Variants in LINGO2 observed in about 807,000 individuals in gnomAD.
The protein encoded by LINGO2 is leucine rich repeat and Ig domain containing 2.
A neutral mutation model predicts 30.6 loss-of-function variants in LINGO2; 14 were observed. The observed-to-expected ratio is 0.46, with a 90% CI of 0.30 to 0.72. LINGO2 has a LOEUF of 0.72. Ranked by LOEUF, LINGO2 falls within the 30% of genes least tolerant of loss-of-function variation. LINGO2 has a pLI of 0.07. For missense variants in LINGO2, 729 were observed against 751.7 expected (o/e 0.97, Z 0.35); for synonymous variants, 317 against 288.5 (o/e 1.10, Z -1.00).
At chr9:28,092,928 T>C (rs1276052230) in intron 4 of LINGO2, among the ~76,000 whole-genome samples, 1 of 152,082 alleles carries the variant, frequency 6.6e-6, no homozygotes, top group Non-Finnish European at 1.5e-5. Context: ...CTATGCATCA[T>C]GGCTTTTAAT....
At chr9:28,317,095 ATG>A (rs1824872145) in intron 3 of LINGO2, among the ~76,000 whole-genome samples, 1 of 152,164 alleles carries the variant, frequency 6.6e-6, no homozygotes, top group African/African-American at 2.4e-5. Flanking sequence ...TACTGTATTA[ATG>A]TATTCCAATT....
intron 1 of LINGO2, among the ~76,000 whole-genome samples, chr9:28,612,128 C>T (rs558658677): frequency 2.0e-5 from 3 of 152,238 alleles, no homozygotes; most frequent in African/African-American, 7.2e-5. Flanking sequence ...ATGGGGCAAT[C>T]ATAGCTCACT....
intron 1 of LINGO2, among the ~76,000 whole-genome samples, chr9:28,589,939 C>G (rs1824785643): frequency 6.6e-6 from 1 of 152,158 alleles, no homozygotes; most frequent in Admixed American, 6.6e-5. Flanking sequence ...CAGCATGGAA[C>G]TGGAGACCAA....
At chr9:29,003,302 A>G in the LINGO2 span, among the ~76,000 whole-genome samples, 3 of 151,952 alleles carry the variant, frequency 2.0e-5, no homozygotes, top group African/African-American at 7.2e-5. Context: ...ACACAATATA[A>G]AAGTTTGATA....
the LINGO2 span, among the ~76,000 whole-genome samples, chr9:28,689,540 C>A: frequency 1.3e-5 from 2 of 151,822 alleles, no homozygotes; most frequent in Non-Finnish European, 2.9e-5. Context: ...TGGCTATTAT[C>A]AAAAAGTTAA....
intron 4 of LINGO2, among the ~76,000 whole-genome samples, chr9:28,193,334 A>T (rs909101121): frequency 1.3e-5 from 2 of 152,248 alleles, no homozygotes; most frequent in Admixed American, 1.3e-4. Context: ...AAATTCACAT[A>T]TATCTTGCTG....
At chr9:28,812,785 C>A in the LINGO2 span, among the ~76,000 whole-genome samples, 2 of 152,076 alleles carry the variant, frequency 1.3e-5, no homozygotes, top group African/African-American at 4.8e-5. Context: ...GTCTTAATAG[C>A]TGAGATCCCA....
At chr9:28,460,953 T>C (rs570525178) in intron 2 of LINGO2, among the ~76,000 whole-genome samples, 1 of 152,154 alleles carries the variant, frequency 6.6e-6, no homozygotes, top group Non-Finnish European at 1.5e-5. Flanking sequence ...AACTTTTTTT[T>C]AAAACCCTAC....
intron 4 of LINGO2, among the ~76,000 whole-genome samples, chr9:28,207,571 A>C (rs1360669347): frequency 6.6e-6 from 1 of 152,092 alleles, no homozygotes; most frequent in Admixed American, 6.6e-5. Context: ...TCTCACTTCC[A>C]ATATTCAATA....
chr9:28,109,882 A>G (rs1262729147), intron 4 of LINGO2, among the ~76,000 whole-genome samples: 1 of 151,182 alleles, frequency 6.6e-6, no homozygotes, highest in African/African-American at 2.4e-5. Flanking sequence ...ACAGCATTAG[A>G]AAAAAAAACT....
the LINGO2 span, among the ~76,000 whole-genome samples, chr9:28,995,014 C>T: frequency 1.3e-5 from 2 of 152,014 alleles, no homozygotes; most frequent in East Asian, 3.9e-4. Context: ...CCAAAATTGA[C>T]AAATGGGATC....
At chr9:28,952,134 G>A in the LINGO2 span, among the ~76,000 whole-genome samples, 5 of 152,004 alleles carry the variant, frequency 3.3e-5, no homozygotes, top group African/African-American at 1.2e-4. Flanking sequence ...CACAACAGTA[G>A]GTGGCAGCAG....
At chr9:28,581,990 C>T (rs141404225) in intron 1 of LINGO2, among the ~76,000 whole-genome samples, 178 of 151,996 alleles carry the variant, frequency 1.2e-3, no homozygotes, top group Middle Eastern at 0.01. Flanking sequence ...CATATTGGCC[C>T]TGTTACTAAG....
At chr9:28,071,526 C>G (rs961818311) in intron 4 of LINGO2, among the ~76,000 whole-genome samples, 1 of 151,464 alleles carries the variant, frequency 6.6e-6, no homozygotes, top group Non-Finnish European at 1.5e-5. Context: ...AGTTTTTGTA[C>G]TTTCCCAACT....
intron 4 of LINGO2, among the ~76,000 whole-genome samples, chr9:28,076,960 T>G (rs111362886): frequency 1.3e-5 from 2 of 152,138 alleles, no homozygotes; most frequent in Non-Finnish European, 2.9e-5. Context: ...CAAAAGACAT[T>G]GGAAATTGTG....
Position 28,493,043 on chromosome 9 carries a change from T to C in LINGO2, c.-364-17018A>G, listed in dbSNP as rs73439357. On this transcript the variant is annotated intron_variant, in intron 1 of 5. Coordinates refer to ENST00000379992, the Ensembl canonical transcript of LINGO2. ...CATGTTTTTCAAGTCTCTAGGCTGG[T>C]TGAGATGCCTAAAGGTGTGTTTCTT... 2.0e-3 allele frequency among the ~76,000 whole-genome samples: 297 copies of C among 152,202 alleles called. 2 individuals are homozygous for C. Among genetic ancestry groups the C allele is most frequent in the African/African-American group, 6.8e-3 (284 of 41,516 alleles).
At chr9:28,922,397 A>T in the LINGO2 span, among the ~76,000 whole-genome samples, 1 of 152,166 alleles carries the variant, frequency 6.6e-6, no homozygotes, top group African/African-American at 2.4e-5. Flanking sequence ...TAAATAAAAC[A>T]AGGGGACATT....
At chr9:28,435,264 T>A (rs1823876976) in intron 2 of LINGO2, among the ~76,000 whole-genome samples, 1 of 152,210 alleles carries the variant, frequency 6.6e-6, no homozygotes, top group Non-Finnish European at 1.5e-5. Context: ...TCTTGTTTAT[T>A]ATGTCATTTT....
intron 3 of LINGO2, among the ~76,000 whole-genome samples, chr9:28,306,553 G>C (rs1587432286): frequency 6.6e-6 from 1 of 152,038 alleles, no homozygotes; most frequent in Non-Finnish European, 1.5e-5. Flanking sequence ...TCAAAAGCTA[G>C]CAGAAGGCAA....
Sources: allele counts gnomAD v4.1 joint callset (sites outside exome capture counted in the v4.1 genomes callset), GRCh38; gene constraint gnomAD v4.1.1; transcripts MANE v1.5; gene names NCBI Gene and HGNC (gene_info 2026-07-23, HGNC 2026-07-21).